PTPRD: variants seen among roughly 807,000 people sequenced by gnomAD.
PTPRD encodes receptor-type tyrosine-protein phosphatase delta.
In PTPRD, 34 loss-of-function variants were observed where a neutral mutation model predicts 214.5. That is an observed-to-expected ratio of 0.16 (90% CI 0.12 to 0.21). The LOEUF is 0.21. Among genes scored for constraint, PTPRD ranks in the 10% least tolerant of loss-of-function variants. The pLI is 1.00. For synonymous variants in PTPRD, 1,128 were observed against 845.7 expected (o/e 1.33, Z -5.79); for missense variants, 2,545 against 2,398.7 (o/e 1.06, Z -1.27).
intron 11 of PTPRD, among the ~76,000 whole-genome samples, chr9:8,925,520 C>CA (rs2098872785): frequency 7.3e-6 from 1 of 136,320 alleles, no homozygotes; most frequent in Non-Finnish European, 1.7e-5. Context: ...ACAAAGAAAA[C>CA]AAACAAAAAA....
intron 8 of PTPRD, among the ~76,000 whole-genome samples, chr9:9,564,899 T>G (rs940786600): frequency 1.4e-5 from 2 of 141,036 alleles, no homozygotes; most frequent in Non-Finnish European, 3.1e-5. Flanking sequence ...TTTTTTTTTT[T>G]TTTTTTTTTT....
At chr9:9,012,767 C>G (rs1308512388) in intron 11 of PTPRD, among the ~76,000 whole-genome samples, 2 of 152,130 alleles carry the variant, frequency 1.3e-5, no homozygotes, top group Non-Finnish European at 2.9e-5. Context: ...TTGCTATTTT[C>G]TGCCATATGA....
chr9:10,108,351 T>G (rs1226624689), intron 3 of PTPRD, among the ~76,000 whole-genome samples: 1 of 152,106 alleles, frequency 6.6e-6, no homozygotes, highest in Admixed American at 6.6e-5. Context: ...CTTTGCAATT[T>G]TCAAGTGTAC....
At chr9:9,786,330 G>C (rs1168998283) in intron 5 of PTPRD, among the ~76,000 whole-genome samples, 3 of 152,174 alleles carry the variant, frequency 2.0e-5, no homozygotes. Flanking sequence ...ACATTTGCAT[G>C]CATTTCATGG....
At chr9:10,359,365 A>T (rs1170502900) in intron 2 of PTPRD, among the ~76,000 whole-genome samples, 1 of 151,956 alleles carries the variant, frequency 6.6e-6, no homozygotes, top group African/African-American at 2.4e-5. Flanking sequence ...TTATTCCCCC[A>T]GTTTTACTCC....
At chr9:10,123,803 A>C (rs1012013806) in intron 3 of PTPRD, among the ~76,000 whole-genome samples, 1 of 152,182 alleles carries the variant, frequency 6.6e-6, no homozygotes, top group Non-Finnish European at 1.5e-5. Context: ...TTTTAGTTAC[A>C]TTATGGCTTA....
intron 2 of PTPRD, among the ~76,000 whole-genome samples, chr9:10,368,639 G>A (rs937725830): frequency 2.0e-5 from 3 of 151,974 alleles, no homozygotes; most frequent in Non-Finnish European, 2.9e-5. Context: ...TCCTTTTAAA[G>A]GTAGGCTGTG....
At chr9:9,970,423 CCTT>C (rs1469223685) in intron 4 of PTPRD, among the ~76,000 whole-genome samples, 3 of 125,502 alleles carry the variant, frequency 2.4e-5, no homozygotes, top group African/African-American at 3.4e-5. Context: ...CAGCGAGACT[CCTT>C]CTCAAAAAAA....
chr9:9,534,329 A>G (rs868789258), intron 8 of PTPRD, among the ~76,000 whole-genome samples: 21 of 152,154 alleles, frequency 1.4e-4, no homozygotes, highest in Middle Eastern at 3.4e-3. Flanking sequence ...TTTATTCTTC[A>G]AAATTAGTCA....
intron 7 of PTPRD, among the ~76,000 whole-genome samples, chr9:9,695,220 C>T (rs2097350859): frequency 6.6e-6 from 1 of 152,118 alleles, no homozygotes; most frequent in Non-Finnish European, 1.5e-5. Flanking sequence ...CACTGGGTTC[C>T]ATTTTGGCCC....
chr9:10,050,405 A>C (rs377212570), intron 3 of PTPRD, among the ~76,000 whole-genome samples: 2 of 151,434 alleles, frequency 1.3e-5, no homozygotes, highest in Admixed American at 6.6e-5. Flanking sequence ...TAAAAATACA[A>C]AAAAACTAGC....
chr9:9,872,421 G>A (rs560851240), intron 5 of PTPRD, among the ~76,000 whole-genome samples: 103 of 152,164 alleles, frequency 6.8e-4, no homozygotes, highest in South Asian at 2.3e-3. Flanking sequence ...GCAACATAGT[G>A]AGACCCTGTC....
chr9:8,449,072 G>A (rs1056086813), intron 34 of PTPRD, among the ~76,000 whole-genome samples: 2 of 152,126 alleles, frequency 1.3e-5, no homozygotes, highest in Admixed American at 6.5e-5. Context: ...TGTGCAGAAG[G>A]CCCCTCAGTA....
At chr9:8,967,892 A>G (rs2099208748) in intron 11 of PTPRD, among the ~76,000 whole-genome samples, 1 of 151,986 alleles carries the variant, frequency 6.6e-6, no homozygotes, top group Non-Finnish European at 1.5e-5. Flanking sequence ...TCCTAAAGCT[A>G]TCCCTCCTCC....
chr9:10,022,995 A>G (rs982049137), intron 4 of PTPRD, among the ~76,000 whole-genome samples: 1 of 152,202 alleles, frequency 6.6e-6, no homozygotes, highest in Admixed American at 6.6e-5. Context: ...TTTGCCTCAG[A>G]AAATATTGTA....
At position 9,947,510 on chromosome 9, in the gene PTPRD, A is replaced by T. The variant is rs1176157091; in HGVS notation, c.-471-8900T>A. Among the ~76,000 whole-genome samples, 5 of 29,674 alleles carry T rather than the reference A, an allele frequency of 1.7e-4. 1 individual carries two copies. Among genetic ancestry groups the T allele is most frequent in the African/African-American group, 7.9e-4 (5 of 6,322 alleles). 19.5% of individuals were successfully genotyped at this position (29,674 alleles called of 152,430 possible). A position where few individuals can be genotyped will look rare whatever the true frequency, so the allele number is the denominator to read the frequency against. On this transcript the variant is annotated intron_variant, in intron 4 of 45. Coordinates refer to ENST00000381196, the MANE Select transcript of PTPRD (RefSeq NM_002839.4). The stretch of plus-strand genomic sequence containing the variant: ...TATATATTATATATATTTTATATAT[A>T]TAATATATATATTATATATATTTTA...
chr9:9,180,406 A>T (rs1468130322), intron 10 of PTPRD, among the ~76,000 whole-genome samples: 2 of 136,066 alleles, frequency 1.5e-5, no homozygotes, highest in African/African-American at 5.5e-5. Context: ...ATGAGAACAC[A>T]TGGACACAGG....
intron 10 of PTPRD, among the ~76,000 whole-genome samples, chr9:9,046,490 T>G (rs1266670471): frequency 6.6e-6 from 1 of 152,176 alleles, no homozygotes; most frequent in East Asian, 1.9e-4. Context: ...ACAAAGCATA[T>G]CTACACTCCA....
chr9:8,628,734 T>C lies in PTPRD; in HGVS notation c.352+4583A>G, dbSNP rs370941776. Among the ~76,000 whole-genome samples, 13 of 152,030 alleles carry C rather than the reference T, an allele frequency of 8.6e-5. No individual in the cohort carries two copies. In the East Asian group the frequency reaches 1.2e-3, roughly 14 times the overall value. ...TTTCCCAAGACCTAGACTTGGGTAC[T>C]TCACGTATTATCTTTTGTCCTAATG... On this transcript the variant is annotated intron_variant, in intron 14 of 45. Transcript: ENST00000381196.
Sources: gnomAD v4.1 joint callset for allele counts (sites outside exome capture counted in the v4.1 genomes callset) on GRCh38, gnomAD v4.1.1 for gene constraint, MANE v1.5 for transcripts, NCBI Gene and HGNC (gene_info 2026-07-23, HGNC 2026-07-21) for gene names.